Variants in FAM135B observed in about 807,000 individuals in gnomAD.
FAM135B encodes the protein family with sequence similarity 135 member B.
FAM135B carries 43 observed loss-of-function variants against 127.7 expected under a neutral mutation model. The observed-to-expected ratio is 0.34, with a 90% CI of 0.26 to 0.43. The LOEUF is 0.43. Among genes scored for constraint, FAM135B ranks in the 20% least tolerant of loss-of-function variants. The pLI is 1.00. For missense variants in FAM135B, 1,558 were observed against 1,725.6 expected, an observed-to-expected ratio of 0.90 and a Z score of 1.72; for synonymous variants, 670 against 665.1, an observed-to-expected ratio of 1.01 and a Z score of -0.11.
intron 1 of FAM135B, among the ~76,000 whole-genome samples, chr8:138,375,149 C>T (rs1282275287): frequency 1.3e-5 from 2 of 152,096 alleles, no homozygotes; most frequent in African/African-American, 4.8e-5. Flanking sequence ...AAAAACTGCA[C>T]ATGTAGCTGA....
At position 138,138,977 on chromosome 8, in the gene FAM135B, A is replaced by T. The variant is rs767454102; in HGVS notation, c.3901+9T>A. The T allele has an allele frequency of 6.4e-7, 1 of 1,564,300 alleles. No individual in the cohort carries two copies. Among genetic ancestry groups the T allele is most frequent in the Admixed American group, 1.7e-5 (1 of 59,860 alleles). ...ACTCATAACTGCAGCTGTGGGGGAA[A>T]CCACTGACCTGTTTTTTGGCTTAGT... On this transcript the variant is annotated intron_variant, in intron 18 of 19. Transcript: ENST00000395297.
At chr8:138,378,565 TG>T (rs1831634465) in intron 1 of FAM135B, among the ~76,000 whole-genome samples, 1 of 152,218 alleles carries the variant, frequency 6.6e-6, no homozygotes, top group African/African-American at 2.4e-5. Context: ...TCACCAACTC[TG>T]AGGTTCTTCA....
At chr8:138,179,787 G>A (rs935160317) in intron 9 of FAM135B, among the ~76,000 whole-genome samples, 1 of 152,084 alleles carries the variant, frequency 6.6e-6, no homozygotes, top group Non-Finnish European at 1.5e-5. Context: ...TCGAATTCCT[G>A]GGCTCCAGCA....
chr8:138,422,388 T>G (rs1239099331), intron 1 of FAM135B, among the ~76,000 whole-genome samples: 1 of 152,108 alleles, frequency 6.6e-6, no homozygotes, highest in Non-Finnish European at 1.5e-5. Flanking sequence ...AAGGGTCTAA[T>G]ATCTAGAACC....
chr8:138,138,606 G>A (rs957498126), intron 18 of FAM135B, among the ~76,000 whole-genome samples: 4 of 152,244 alleles, frequency 2.6e-5, no homozygotes, highest in Non-Finnish European at 5.9e-5. Context: ...CCACTGCACA[G>A]TCAACATCAG....
chr8:138,153,234 A>G lies in FAM135B; in HGVS notation c.1259-18T>C. 6.7e-7 allele frequency: 1 copy of G among 1,497,418 alleles called. No individual in the cohort carries two copies. The highest frequency in any genetic ancestry group is 9.0e-7 in the Non-Finnish European group (1 of 1,115,814). The allele number at this position is 1,497,418 out of a possible 1,614,324, so 92.8% of individuals were successfully genotyped here. ...GTTATGCCCTACAAAAAAAAAAGAAAGAAAATTATATTATAGTGTAAGAAT... is the reference window on the plus strand; with the variant it reads ...GTTATGCCCTACAAAAAAAAAAGAAGGAAAATTATATTATAGTGTAAGAAT... On this transcript the variant is annotated intron_variant, in intron 12 of 19. Transcript: ENST00000395297.
At chr8:138,276,971 A>G (rs7845708) in intron 3 of FAM135B, among the ~76,000 whole-genome samples, 149,383 of 152,284 alleles carry the variant, frequency 0.98, 73,304 homozygotes, top group East Asian at 1. Context: ...GAAAGCTCAG[A>G]GCAGTGCTTG....
chr8:138,458,706 G>T (rs1836943729), intron 1 of FAM135B, among the ~76,000 whole-genome samples: 1 of 152,088 alleles, frequency 6.6e-6, no homozygotes, highest in Non-Finnish European at 1.5e-5. Flanking sequence ...TAAAAGCAGG[G>T]GTGAGTAGTT....
chr8:138,413,505 G>A (rs1833974020), intron 1 of FAM135B, among the ~76,000 whole-genome samples: 1 of 152,166 alleles, frequency 6.6e-6, no homozygotes, highest in East Asian at 1.9e-4. Context: ...ACATCTGACT[G>A]CCTTATTCAT....
chr8:138,244,191 C>T (rs375108306), intron 6 of FAM135B, among the ~76,000 whole-genome samples: 1 of 151,748 alleles, frequency 6.6e-6, no homozygotes. Context: ...GAGGCACAGC[C>T]TTCACCTTAA....
chr8:138,460,549 A>G (rs1033921214), intron 1 of FAM135B, among the ~76,000 whole-genome samples: 1 of 152,184 alleles, frequency 6.6e-6, no homozygotes, highest in East Asian at 1.9e-4. Flanking sequence ...AGGCCTCCCC[A>G]TGCCTCAGAG....
intron 7 of FAM135B, among the ~76,000 whole-genome samples, chr8:138,228,651 T>A (rs941955433): frequency 6.6e-6 from 1 of 152,104 alleles, no homozygotes; most frequent in Non-Finnish European, 1.5e-5. Flanking sequence ...GGAGTGTATG[T>A]CATATACCCC....
At chr8:138,235,186 C>T (rs76700109) in intron 7 of FAM135B, among the ~76,000 whole-genome samples, 338 of 152,234 alleles carry the variant, frequency 2.2e-3, no homozygotes, top group African/African-American at 7.8e-3. Flanking sequence ...GTCTCTATCT[C>T]CTCACCTCAC....
At chr8:138,430,262 A>G (rs1487441012) in intron 1 of FAM135B, among the ~76,000 whole-genome samples, 1 of 152,134 alleles carries the variant, frequency 6.6e-6, no homozygotes, top group Admixed American at 6.6e-5. Flanking sequence ...ACTACTGATC[A>G]CCTGTTATGT....
intron 3 of FAM135B, 149 bp from the exon 4 acceptor site, chr8:138,265,991 AC>A: frequency 1.3e-6 from 1 of 744,154 alleles, no homozygotes; most frequent in Non-Finnish European, 2.1e-6. Flanking sequence ...ATGAGACCTC[AC>A]CATATGAATG....
chr8:138,339,016 A>T (rs1431568374), intron 2 of FAM135B, among the ~76,000 whole-genome samples: 2 of 151,568 alleles, frequency 1.3e-5, no homozygotes, highest in East Asian at 3.9e-4. Context: ...AAGGACAAAA[A>T]ACCAAACACC....
chr8:138,298,503 T>C (rs563332855), intron 3 of FAM135B, among the ~76,000 whole-genome samples: 85 of 152,244 alleles, frequency 5.6e-4, no homozygotes, highest in African/African-American at 1.8e-3. Context: ...AAGCTCTGAA[T>C]TGGGAATGAA....
At chr8:138,415,248 C>T (rs1191048809) in intron 1 of FAM135B, among the ~76,000 whole-genome samples, 1 of 152,086 alleles carries the variant, frequency 6.6e-6, no homozygotes, top group East Asian at 1.9e-4. Context: ...GGTTCAACTA[C>T]AAAAAACAGC....
chr8:138,225,464 A>C (rs1325261252), intron 7 of FAM135B, among the ~76,000 whole-genome samples: 4 of 147,386 alleles, frequency 2.7e-5, no homozygotes, highest in African/African-American at 5.0e-5. Flanking sequence ...ACAAAAAAAA[A>C]ACAAAAAAAC....
Sources: gnomAD v4.1 joint callset for allele counts (sites outside exome capture counted in the v4.1 genomes callset) on GRCh38, gnomAD v4.1.1 for gene constraint, MANE v1.5 for transcripts, NCBI Gene and HGNC (gene_info 2026-07-23, HGNC 2026-07-21) for gene names.